TDRP: variants seen among roughly 807,000 people sequenced by gnomAD.
TDRP encodes testis development related protein.
A neutral mutation model predicts 10.5 loss-of-function variants in TDRP; 12 were observed. That is an observed-to-expected ratio of 1.15 (90% CI 0.73 to 1.86). The LOEUF is 1.86. Ranked by LOEUF, TDRP falls within the 40% of genes most tolerant of loss-of-function variation. The pLI, the probability that TDRP is intolerant of heterozygous loss-of-function variation, is 0.00. For missense variants in TDRP, 353 were observed against 229.2 expected, an observed-to-expected ratio of 1.54 and a Z score of -3.49; for synonymous variants, 139 against 95.4, an observed-to-expected ratio of 1.46 and a Z score of -2.67.
rs140158111 is a variant in TDRP at position 504,104 on chromosome 8, C to T, written c.109-9507G>A. On this transcript the variant is annotated intron_variant, in intron 1 of 2. Transcript: ENST00000324079. Reference sequence around the variant, plus strand: ...CAACACGGAATCCAGAGCCACGTGTCGGAACCCAGTCCACCTGAGCCTGCC... The same window carrying T: ...CAACACGGAATCCAGAGCCACGTGTTGGAACCCAGTCCACCTGAGCCTGCC... 5.3e-5 allele frequency among the ~76,000 whole-genome samples: 8 copies of T among 152,296 alleles called. No homozygotes were observed. In the East Asian group the frequency reaches 5.8e-4, roughly 11 times the overall value.
intron 1 of TDRP, among the ~76,000 whole-genome samples, chr8:522,149 C>G (rs1369386760): frequency 6.6e-6 from 1 of 152,204 alleles, no homozygotes; most frequent in Non-Finnish European, 1.5e-5. Context: ...CAAGGTCAGA[C>G]AGTCCCCTAT....
intron 1 of TDRP, among the ~76,000 whole-genome samples, chr8:499,764 G>T (rs746184057): frequency 6.6e-6 from 1 of 152,254 alleles, no homozygotes; most frequent in East Asian, 1.9e-4. Flanking sequence ...GGGAAGGACA[G>T]GAGGGAAAGT....
chr8:524,101 G>C (rs1318387598), intron 1 of TDRP, among the ~76,000 whole-genome samples: 1 of 152,218 alleles, frequency 6.6e-6, no homozygotes, highest in Non-Finnish European at 1.5e-5. Flanking sequence ...GTTCAGCACA[G>C]ACAGACTCCA....
chr8:543,929 G>A (rs1298247246), intron 1 of TDRP, among the ~76,000 whole-genome samples: 4 of 131,428 alleles, frequency 3.0e-5, no homozygotes, highest in African/African-American at 1.1e-4. Flanking sequence ...AAAAAGGGAG[G>A]GGGGGGGAGG....
Position 491,614 on chromosome 8 carries a change from A to T in TDRP, c.*785T>A. 6.5e-7 allele frequency: 1 copy of T among 1,531,250 alleles called. No individual in the cohort carries two copies. Among genetic ancestry groups the T allele is most frequent in the Non-Finnish European group, 8.7e-7 (1 of 1,145,636 alleles). 94.9% of individuals were successfully genotyped at this position (1,531,250 alleles called of 1,614,324 possible). A position where few individuals can be genotyped will look rare whatever the true frequency, so the allele number is the denominator to read the frequency against. On this transcript the variant is annotated 3_prime_UTR_variant, in exon 3 of 3. Transcript: ENST00000324079. ...GTCTTAACTCTCTATAATGAGCAAG[A>T]CAATGTTTCCTAAATGAAATTATCA...
At chr8:499,933 C>G (rs1386089668) in intron 1 of TDRP, among the ~76,000 whole-genome samples, 1 of 152,194 alleles carries the variant, frequency 6.6e-6, no homozygotes, top group African/African-American at 2.4e-5. Context: ...GAAGAAAGTT[C>G]TCCTCTTCCA....
intron 1 of TDRP, among the ~76,000 whole-genome samples, chr8:510,559 C>A (rs537242669): frequency 2.0e-5 from 3 of 152,008 alleles, no homozygotes; most frequent in African/African-American, 4.8e-5. Context: ...CAATGAATGC[C>A]GGAAGGCAGT....
At chr8:519,218 C>G (rs1484408416) in intron 1 of TDRP, among the ~76,000 whole-genome samples, 4 of 152,160 alleles carry the variant, frequency 2.6e-5, no homozygotes, top group Non-Finnish European at 5.9e-5. Flanking sequence ...GTGCTGAGAG[C>G]ATGCATGTTG....
intron 1 of TDRP, among the ~76,000 whole-genome samples, chr8:506,702 C>G (rs1393972856): frequency 2.0e-5 from 3 of 152,198 alleles, no homozygotes; most frequent in Non-Finnish European, 4.4e-5. Context: ...TTGCCTTTGT[C>G]CCCATCCCCA....
At chr8:544,562 C>T in intron 1 of TDRP, 88 bp downstream of exon 1, 1 of 947,196 alleles carries the variant, frequency 1.1e-6, no homozygotes, top group Non-Finnish European at 1.4e-6. Context: ...CCCCAACTAC[C>T]CGCACCTCCA....
chr8:512,908 GT>G (rs1801656147), intron 1 of TDRP, among the ~76,000 whole-genome samples: 4 of 151,732 alleles, frequency 2.6e-5, no homozygotes, highest in Admixed American at 2.6e-4. Flanking sequence ...GGAAGTGGAG[GT>G]TGCAGTGAGC....
At chr8:515,269 A>G (rs1801727626) in intron 1 of TDRP, among the ~76,000 whole-genome samples, 1 of 152,230 alleles carries the variant, frequency 6.6e-6, no homozygotes. Flanking sequence ...TCACTTAGCA[A>G]TCATTCAGAC....
chr8:541,170 T>A (rs1396596291), intron 1 of TDRP, among the ~76,000 whole-genome samples: 6 of 152,366 alleles, frequency 3.9e-5, no homozygotes, highest in African/African-American at 7.2e-5. Context: ...GCAATAAAGA[T>A]CAGTCCTCTT....
intron 1 of TDRP, among the ~76,000 whole-genome samples, chr8:528,144 G>A (rs1370711815): frequency 1.3e-5 from 2 of 152,148 alleles, no homozygotes; most frequent in African/African-American, 2.4e-5. Context: ...ATTGGTAAAT[G>A]GGTATATGAA....
rs1339358460 is a variant in TDRP at position 491,374 on chromosome 8, T to C, written c.*1025A>G. On this transcript the variant is annotated 3_prime_UTR_variant, in exon 3 of 3. Coordinates refer to ENST00000324079, the MANE Select transcript of TDRP (RefSeq NM_001384899.1). The stretch of plus-strand genomic sequence containing the variant: ...TAAGAGCCAACCTTCCAGGGACGCA[T>C]AACTGGCACCTGATACTGTGCAGGA... 2 of 378,088 alleles carry C rather than the reference T, an allele frequency of 5.3e-6. No homozygotes were observed. The highest frequency in any genetic ancestry group is 9.3e-6 in the Non-Finnish European group (2 of 213,992). 23.4% of individuals were successfully genotyped at this position (378,088 alleles called of 1,614,324 possible). A position where few individuals can be genotyped will look rare whatever the true frequency, so the allele number is the denominator to read the frequency against.
At chr8:493,511 C>G (rs1801039245) in intron 2 of TDRP, among the ~76,000 whole-genome samples, 1 of 152,250 alleles carries the variant, frequency 6.6e-6, no homozygotes, top group Non-Finnish European at 1.5e-5. Context: ...GGCCCACAGT[C>G]CTCAAACAAA....
At chr8:523,275 ATTACT>A (rs779487709) in intron 1 of TDRP, among the ~76,000 whole-genome samples, 1 of 152,218 alleles carries the variant, frequency 6.6e-6, no homozygotes, top group Non-Finnish European at 1.5e-5. Flanking sequence ...ATATAAATGT[ATTACT>A]TTATGTCTCC....
intron 1 of TDRP, among the ~76,000 whole-genome samples, chr8:505,186 C>G (rs1446861501): frequency 1.3e-5 from 2 of 152,184 alleles, no homozygotes; most frequent in Admixed American, 6.6e-5. Context: ...ACCCACAGAC[C>G]TAAAACAGCT....
chr8:491,729 C>A lies in TDRP; in HGVS notation c.*670G>T. The A allele has an allele frequency of 1.4e-6, 2 of 1,456,030 alleles. No individual in the cohort carries two copies. The highest frequency in any genetic ancestry group is 1.8e-6 in the Non-Finnish European group (2 of 1,115,484). The allele number at this position is 1,456,030 out of a possible 1,614,324, so 90.2% of individuals were successfully genotyped here. ...AAATAAAGGGACCGATTTAGAAGTT[C>A]AAAAGAGGTAAAAATAAAATTCCAA... is the stretch of plus-strand genomic sequence containing the variant. On this transcript the variant is annotated 3_prime_UTR_variant, in exon 3 of 3. Transcript: ENST00000324079.
Sources: allele counts gnomAD v4.1 joint callset (sites outside exome capture counted in the v4.1 genomes callset), GRCh38; gene constraint gnomAD v4.1.1; transcripts MANE v1.5; gene names NCBI Gene and HGNC (gene_info 2026-07-23, HGNC 2026-07-21).